The following TRIP11 variants were observed in gnomAD, a reference collection of about 807,000 sequenced individuals.
TRIP11 encodes thyroid receptor-interacting protein 11.
In TRIP11, 148 loss-of-function variants were observed where a neutral mutation model predicts 223.1. That is an observed-to-expected ratio of 0.66 (90% CI 0.58 to 0.76). The LOEUF (loss-of-function observed/expected upper bound fraction) is 0.76, where lower values mean the gene tolerates loss of function less well. Among genes scored for constraint, TRIP11 ranks in the 30% least tolerant of loss-of-function variants. The pLI is 0.00. For missense variants in TRIP11, 2,043 were observed against 2,222.0 expected (o/e 0.92, Z 1.62); for synonymous variants, 762 against 772.6 (o/e 0.99, Z 0.23).
chr14:92,020,662 TAA>T (rs776038130), intron 4 of TRIP11, among the ~76,000 whole-genome samples: 16 of 138,200 alleles, frequency 1.2e-4, no homozygotes, highest in Non-Finnish European at 1.4e-4. Flanking sequence ...CATGTTTTAT[TAA>T]AAAAAAAAAA....
chr14:92,014,148 T>C, intron 7 of TRIP11, 67 bp downstream of exon 7: 1 of 1,602,066 alleles, frequency 6.2e-7, no homozygotes, highest in Non-Finnish European at 8.5e-7. Flanking sequence ...TAGTGAAGCA[T>C]CTGTCTCTAA....
chr14:92,023,942 G>A (rs995550197), intron 3 of TRIP11, among the ~76,000 whole-genome samples: 3 of 149,396 alleles, frequency 2.0e-5, no homozygotes, highest in South Asian at 2.1e-4. Flanking sequence ...TACAACCACC[G>A]CCTCCCAGGT....
At chr14:92,025,463 A>G in intron 2 of TRIP11, 43 bp from the exon 3 acceptor site, 1 of 1,393,916 alleles carries the variant, frequency 7.2e-7, no homozygotes, top group Non-Finnish European at 1.0e-6. Context: ...TGCAAGTAAA[A>G]CATGTAATTA....
intron 19 of TRIP11, among the ~76,000 whole-genome samples, chr14:91,974,305 G>A (rs2056436803): frequency 6.6e-6 from 1 of 152,126 alleles, no homozygotes; most frequent in Non-Finnish European, 1.5e-5. Flanking sequence ...ATACATAGAC[G>A]AATAAAATAA....
At chr14:92,019,437 G>T (rs2057081822) in intron 4 of TRIP11, among the ~76,000 whole-genome samples, 1 of 152,134 alleles carries the variant, frequency 6.6e-6, no homozygotes, top group Non-Finnish European at 1.5e-5. Flanking sequence ...AAAGTTTACT[G>T]CTTTTTGGAG....
intron 3 of TRIP11, 105 bp from the exon 4 acceptor site, chr14:92,021,936 T>G: frequency 8.0e-7 from 1 of 1,253,816 alleles, no homozygotes; most frequent in Non-Finnish European, 1.1e-6. Flanking sequence ...TGTCTAAGAT[T>G]ATCCAATGAT....
chr14:91,981,691 C>A (rs918755632), intron 16 of TRIP11, among the ~76,000 whole-genome samples: 2 of 152,234 alleles, frequency 1.3e-5, no homozygotes, highest in Admixed American at 1.3e-4. Context: ...CCGTGCCCAG[C>A]CCTGCTTTGT....
intron 2 of TRIP11, among the ~76,000 whole-genome samples, chr14:92,031,073 G>C (rs1027241200): frequency 6.6e-6 from 1 of 151,960 alleles, no homozygotes; most frequent in Non-Finnish European, 1.5e-5. Context: ...AACAGAGCAA[G>C]ACATCGTCTC....
intron 4 of TRIP11, among the ~76,000 whole-genome samples, chr14:92,018,239 CA>C (rs2057061415): frequency 1.3e-5 from 2 of 151,810 alleles, no homozygotes; most frequent in Non-Finnish European, 2.9e-5. Context: ...GGACTACAAG[CA>C]CATGCCAGCA....
Position 91,972,763 on chromosome 14 carries a change from T to C in TRIP11, c.5673A>G (p.Ser1891=). 1 of 1,612,994 alleles carries C rather than the reference T, an allele frequency of 6.2e-7. No individual in the cohort carries two copies. Among genetic ancestry groups the C allele is most frequent in the Non-Finnish European group, 8.5e-7 (1 of 1,179,626 alleles). Residue 1891 remains serine (S), a synonymous_variant, in exon 20 of 21, where the codon TCA becomes TCG. Transcript: ENST00000267622. The part of the protein sequence containing the change: ...LSVHDMKPLD[S]PGRRKRDTNA... ...TTGTATCTCTTTTTCTTCTTCCTGG[T>C]GAATCCAGAGGTTTCATATCATGAA...
intron 9 of TRIP11, 55 bp from the exon 10 acceptor site, chr14:92,007,907 G>T: frequency 7.0e-7 from 1 of 1,429,812 alleles, no homozygotes; most frequent in Non-Finnish European, 9.6e-7. Flanking sequence ...GACACCAAAA[G>T]ATTAAAAACA....
chr14:92,015,286 G>C (rs1196363646), intron 6 of TRIP11, among the ~76,000 whole-genome samples: 1 of 151,962 alleles, frequency 6.6e-6, no homozygotes. Flanking sequence ...TATAACTTAG[G>C]GCAAGTTTAC....
rs1355004966 is a variant in TRIP11, at chr14:92,003,792, A to G, written c.4184T>C (p.Ile1395Thr). ...RKEHEQTDSE[I>T]KQLKEKQDVL... Reference sequence around the variant, plus strand: ...ATCTTGTTTCTCCTTTAGCTGCTTGATTTCTGAATCGGTTTGTTCGTGTTC... The same window carrying G: ...ATCTTGTTTCTCCTTTAGCTGCTTGGTTTCTGAATCGGTTTGTTCGTGTTC... The change falls in exon 11 of 21, where the codon ATC (isoleucine) becomes ACC (threonine). Residue 1395 changes from isoleucine (I) to threonine (T), a missense_variant. Ile to Thr is a moderately conservative substitution (Grantham distance 89, BLOSUM62 -1). Transcript: ENST00000267622. The G allele has an allele frequency of 6.2e-7, 1 of 1,614,102 alleles. No homozygotes were observed. The highest frequency in any genetic ancestry group is 8.5e-7 in the Non-Finnish European group (1 of 1,179,998).
chr14:91,980,115 G>C (rs1436912646), intron 16 of TRIP11, among the ~76,000 whole-genome samples: 1 of 152,032 alleles, frequency 6.6e-6, no homozygotes, highest in Non-Finnish European at 1.5e-5. Context: ...CTCTTCTCTG[G>C]AACACCTAGA....
chr14:92,032,303 A>T (rs1213217798), intron 2 of TRIP11, among the ~76,000 whole-genome samples: 1 of 151,850 alleles, frequency 6.6e-6, no homozygotes, highest in East Asian at 2.0e-4. Context: ...GTGCACCACC[A>T]CATCCAGCTA....
Position 92,005,874 on chromosome 14 carries a change from T to C in TRIP11, c.2102A>G (p.Asn701Ser), listed in dbSNP as rs139539448. Residue 701 changes from asparagine to serine, a missense_variant, in exon 11 of 21, where the codon AAT (asparagine) becomes AGT (serine). Transcript: ENST00000267622. ...HQLEECLAGN[N>S]QLSLEKNTIV... ...AGTGTTTTTTTCCAGAGAAAGCTGA[T>C]TGTTACCAGCAAGACATTCTTCTAA... 5,411 of 1,614,040 alleles carry C rather than the reference T, an allele frequency of 3.4e-3. 18 individuals are homozygous for C. The highest frequency in any genetic ancestry group is 4.2e-3 in the Non-Finnish European group (4,966 of 1,179,998).
At chr14:92,018,974 A>AC (rs916239590) in intron 4 of TRIP11, among the ~76,000 whole-genome samples, 2 of 151,036 alleles carry the variant, frequency 1.3e-5, no homozygotes, top group Admixed American at 1.3e-4. Flanking sequence ...AAAAAAAAAA[A>AC]AAAACAAAAA....
At chr14:92,039,171 C>A (rs998242564) in intron 1 of TRIP11, among the ~76,000 whole-genome samples, 1 of 152,104 alleles carries the variant, frequency 6.6e-6, no homozygotes, top group Non-Finnish European at 1.5e-5. Flanking sequence ...AACAGATATA[C>A]AATTCTTTAA....
At chr14:92,012,833 T>G (rs77255697) in intron 7 of TRIP11, among the ~76,000 whole-genome samples, 21,723 of 152,060 alleles carry the variant, frequency 0.14, 1,875 homozygotes, top group African/African-American at 0.25. Flanking sequence ...ACTAAGAAAT[T>G]TAAACATCAT....
Sources: gnomAD v4.1 joint callset for allele counts (sites outside exome capture counted in the v4.1 genomes callset) on GRCh38, gnomAD v4.1.1 for gene constraint, MANE v1.5 for transcripts, NCBI Gene and HGNC (gene_info 2026-07-23, HGNC 2026-07-21) for gene names.